NFU1: variants seen among roughly 807,000 people sequenced by gnomAD.
The protein encoded by NFU1 is NFU1 iron-sulfur cluster scaffold homolog, mitochondrial.
NFU1 carries 30 observed loss-of-function variants against 32.2 expected under a neutral mutation model. The observed-to-expected ratio is 0.93, with a 90% CI of 0.70 to 1.26. NFU1 has a LOEUF of 1.26. Among genes scored for constraint, NFU1 ranks in the 50% most tolerant of loss-of-function variants. The pLI is 0.00. For synonymous variants in NFU1, 112 were observed against 104.6 expected (o/e 1.07, Z -0.43); for missense variants, 306 against 306.6 (o/e 1.00, Z 0.02).
intron 2 of NFU1, among the ~76,000 whole-genome samples, chr2:69,431,682 T>C (rs1369664686): frequency 1.3e-5 from 2 of 152,184 alleles, no homozygotes. Flanking sequence ...GGATATGTTA[T>C]ACAACATACT....
upstream of NFU1, among the ~76,000 whole-genome samples, chr2:69,438,914 A>C (rs10175608): frequency 0.48 from 44,192 of 91,748 alleles, 8,685 homozygotes; most frequent in Middle Eastern, 0.55. Flanking sequence ...CCACCCCCCC[A>C]CACACACCCA....
intron 5 of NFU1, among the ~76,000 whole-genome samples, chr2:69,411,831 C>T (rs1481183261): frequency 2.0e-5 from 3 of 152,060 alleles, no homozygotes; most frequent in Non-Finnish European, 4.4e-5. Context: ...TGAGCTCACA[C>T]AATCTGCTGC....
chr2:69,437,285 G>T (rs531976682), intron 1 of NFU1, 76 bp downstream of exon 1: 18 of 1,544,796 alleles, frequency 1.2e-5, no homozygotes, highest in Non-Finnish European at 9.6e-6. Flanking sequence ...CTCGAGAGAG[G>T]GTCTGCAAGG....
chr2:69,414,346 G>A lies in NFU1; in HGVS notation c.484+839C>T, dbSNP rs562804303. ...ATACAAGATATTTAAGGTTAGGCACGGTGGTTCATGCCTGTAATCCCAGCA... is the reference window on the plus strand; with the variant it reads ...ATACAAGATATTTAAGGTTAGGCACAGTGGTTCATGCCTGTAATCCCAGCA... On this transcript the variant is annotated intron_variant, in intron 5 of 7. Transcript: ENST00000410022. 1.1e-4 allele frequency among the ~76,000 whole-genome samples: 17 copies of A among 151,970 alleles called. No homozygotes were observed. The South Asian group carries it at 2.1e-3, about 19-fold the overall frequency.
At position 69,400,522 on chromosome 2, in the gene NFU1, C is replaced by T; in HGVS notation, c.562G>A (p.Asp188Asn). ...CCTTTGTAGATTACATCCCCTCCAT[C>T]TTCCTGCACAGTTGGCCTGTGAGGT... is the stretch of plus-strand genomic sequence containing the variant. The part of the protein sequence containing the change: ...DTRIRPTVQE[D>N]GGDVIYKGFE... The change falls in exon 7 of 8, where the codon GAT becomes AAT. Residue 188 changes from aspartate to asparagine, a missense_variant. Physicochemically the swap from Asp to Asn is conservative, Grantham distance 23 (BLOSUM62 1). Transcript: ENST00000410022. 6.2e-7 allele frequency: 1 copy of T among 1,614,082 alleles called. No individual in the cohort carries two copies. Among genetic ancestry groups the T allele is most frequent in the Non-Finnish European group, 8.5e-7 (1 of 1,179,978 alleles).
chr2:69,419,582 C>T lies in NFU1; in HGVS notation c.325G>A (p.Val109Ile), dbSNP rs1558833054. ...LARQLFRIEGVKSVFFGPDFI... is the reference protein window; with the variant it reads ...LARQLFRIEGIKSVFFGPDFI... ...TCTGGTCCAAAGAAGACACTTTTTA[C>T]TCCTTCAATCCTAAATAACTGCCTG... Residue 109 changes from valine to isoleucine, a missense_variant, in exon 4 of 8, where the codon GTA (valine) becomes ATA (isoleucine). By Grantham distance (29) the Val-to-Ile change is conservative. Transcript: ENST00000410022. 1.3e-6 allele frequency: 2 copies of T among 1,587,966 alleles called. No individual in the cohort carries two copies. Among genetic ancestry groups the T allele is most frequent in the East Asian group, 2.2e-5 (1 of 44,676 alleles).
intron 1 of NFU1, among the ~76,000 whole-genome samples, chr2:69,435,308 C>T (rs979760717): frequency 1.3e-5 from 2 of 152,210 alleles, no homozygotes; most frequent in Non-Finnish European, 2.9e-5. Flanking sequence ...CTTTCACTGT[C>T]ATAATTTTCT....
intron 1 of NFU1, 33 bp downstream of exon 1, chr2:69,437,328 A>AC: frequency 8.1e-6 from 13 of 1,595,312 alleles, no homozygotes; most frequent in Non-Finnish European, 1.0e-5. Context: ...GCCCAGCGGC[A>AC]CACCTATTCG....
At chr2:69,435,590 T>C (rs1188755796) in intron 1 of NFU1, among the ~76,000 whole-genome samples, 2 of 152,112 alleles carry the variant, frequency 1.3e-5, no homozygotes, top group Non-Finnish European at 1.5e-5. Context: ...CTGTAACCCA[T>C]AGAGTTTCTT....
intron 3 of NFU1, among the ~76,000 whole-genome samples, chr2:69,423,073 C>T (rs1194565864): frequency 6.6e-6 from 1 of 151,906 alleles, no homozygotes; most frequent in East Asian, 1.9e-4. Flanking sequence ...ACCTCCCAGG[C>T]TCAAGCGATC....
chr2:69,425,821 C>T (rs767539346), intron 2 of NFU1, among the ~76,000 whole-genome samples: 25 of 152,040 alleles, frequency 1.6e-4, no homozygotes, highest in Non-Finnish European at 3.7e-4. Context: ...TTTAACAACC[C>T]TGTAAAGAAG....
In NFU1 at chr2:69,419,442, A is replaced by G. The variant is rs968247139; in HGVS notation, c.369+96T>C. The G allele has an allele frequency of 7.3e-6, 5 of 687,728 alleles. No homozygotes were observed. In the African/African-American group the frequency reaches 9.1e-5, roughly 13 times the overall value. 42.6% of individuals were successfully genotyped at this position (687,728 alleles called of 1,614,324 possible). A position where few individuals can be genotyped will look rare whatever the true frequency, so the allele number is the denominator to read the frequency against. On this transcript the variant is annotated intron_variant, in intron 4 of 7. Coordinates refer to ENST00000410022, the MANE Select transcript of NFU1 (RefSeq NM_001002755.4). ...CTCAAAAATAAAATATAAAAATTAAAGAACAGAAAGAATGGAAATGTTGGA... is the reference window on the plus strand; with the variant it reads ...CTCAAAAATAAAATATAAAAATTAAGGAACAGAAAGAATGGAAATGTTGGA...
At chr2:69,418,433 T>C (rs1673129824) in intron 4 of NFU1, among the ~76,000 whole-genome samples, 1 of 152,130 alleles carries the variant, frequency 6.6e-6, no homozygotes, top group Non-Finnish European at 1.5e-5. Context: ...CTGGACTAGA[T>C]GACTAGATTT....
At chr2:69,422,313 T>C (rs1673273031) in intron 3 of NFU1, among the ~76,000 whole-genome samples, 1 of 152,198 alleles carries the variant, frequency 6.6e-6, no homozygotes, top group Admixed American at 6.5e-5. Flanking sequence ...TCTGGAATTT[T>C]CCATTTAATA....
At chr2:69,414,638 A>C (rs1423589097) in intron 5 of NFU1, among the ~76,000 whole-genome samples, 3 of 151,474 alleles carry the variant, frequency 2.0e-5, no homozygotes, top group African/African-American at 4.8e-5. Flanking sequence ...AAAAAAAAAA[A>C]AAAACAGAGA....
At chr2:69,421,483 C>T (rs1403262876) in intron 3 of NFU1, among the ~76,000 whole-genome samples, 1 of 150,666 alleles carries the variant, frequency 6.6e-6, no homozygotes, top group East Asian at 1.9e-4. Context: ...TGCTGACTGA[C>T]TCTACTGACT....
chr2:69,410,101 A>G (rs1169178169), intron 5 of NFU1, among the ~76,000 whole-genome samples: 2 of 152,126 alleles, frequency 1.3e-5, no homozygotes, highest in Non-Finnish European at 2.9e-5. Context: ...TTTAAAACAG[A>G]TACAGGGTCG....
chr2:69,416,808 G>T (rs1189783643), intron 4 of NFU1, among the ~76,000 whole-genome samples: 1 of 152,194 alleles, frequency 6.6e-6, no homozygotes, highest in African/African-American at 2.4e-5. Context: ...CAAGGAAGGA[G>T]AATCGCTTGA....
rs77040524 is a variant in NFU1, at chr2:69,400,966, A to T, written c.546-428T>A. 0.015 allele frequency among the ~76,000 whole-genome samples: 2,242 copies of T among 152,226 alleles called. 132 individuals carry two copies. The East Asian group carries it at 0.19, about 13-fold the overall frequency. ...CCCTGTCTCTAAAGAAATTTTTTTT[A>T]AATAAAACAATATTTTACAGCACTT... On this transcript the variant is annotated intron_variant, in intron 6 of 7. Transcript: ENST00000410022.
Sources: allele counts gnomAD v4.1 joint callset (sites outside exome capture counted in the v4.1 genomes callset), GRCh38; gene constraint gnomAD v4.1.1; transcripts MANE v1.5; gene names NCBI Gene and HGNC (gene_info 2026-07-23, HGNC 2026-07-21).